The following SNTG1 variants were observed in gnomAD, a reference collection of about 807,000 sequenced individuals.
SNTG1 encodes the protein syntrophin gamma 1.
A neutral mutation model predicts 74.7 loss-of-function variants in SNTG1; 39 were observed. The observed-to-expected ratio is 0.52, with a 90% CI of 0.40 to 0.68. The LOEUF (loss-of-function observed/expected upper bound fraction) is 0.68, where lower values mean the gene tolerates loss of function less well. Ranked by LOEUF, SNTG1 falls within the 30% of genes least tolerant of loss-of-function variation. SNTG1 has a pLI of 0.00. For missense variants in SNTG1, 685 were observed against 609.5 expected, an observed-to-expected ratio of 1.12 and a Z score of -1.30; for synonymous variants, 254 against 217.1, an observed-to-expected ratio of 1.17 and a Z score of -1.49.
At chr8:50,453,570 G>A (rs1290410296) in intron 8 of SNTG1, among the ~76,000 whole-genome samples, 1 of 152,066 alleles carries the variant, frequency 6.6e-6, no homozygotes, top group Non-Finnish European at 1.5e-5. Context: ...TGTAATTTAA[G>A]GTGAACGGAA....
chr8:50,278,188 A>G, intron 2 of SNTG1, among the ~76,000 whole-genome samples: 1 of 152,132 alleles, frequency 6.6e-6, no homozygotes, highest in Non-Finnish European at 1.5e-5. Context: ...AAAAAGAAAA[A>G]AAAGGACTTA....
At chr8:50,164,882 C>T (rs1250998851) in intron 1 of SNTG1, among the ~76,000 whole-genome samples, 1 of 152,156 alleles carries the variant, frequency 6.6e-6, no homozygotes. Flanking sequence ...GTTCATTCTT[C>T]TGAATATTAC....
intron 8 of SNTG1, among the ~76,000 whole-genome samples, chr8:50,490,348 A>G (rs575293843): frequency 2.6e-5 from 4 of 152,268 alleles, no homozygotes; most frequent in Non-Finnish European, 4.4e-5. Flanking sequence ...TTGAATCTAT[A>G]AATTACTTTG....
Position 50,269,554 on chromosome 8 carries a change from G to GA in SNTG1, c.-28+96927dup, listed in dbSNP as rs557496884. The stretch of plus-strand genomic sequence containing the variant: ...AATTAATGCAAAATAAAAAGTTAAG[G>GA]AAAAAAAATTATGTGCCAGCAAAAT... On this transcript the variant is annotated intron_variant, in intron 2 of 18. Transcript: ENST00000642720. Among the ~76,000 whole-genome samples the GA allele has an allele frequency of 3.6e-3, 541 of 151,754 alleles. 5 individuals are homozygous for GA. Among genetic ancestry groups the GA allele is most frequent in the South Asian group, 0.021 (100 of 4,790 alleles).
chr8:50,335,119 T>A (rs1354321199), intron 2 of SNTG1, among the ~76,000 whole-genome samples: 2 of 152,246 alleles, frequency 1.3e-5, no homozygotes, highest in African/African-American at 4.8e-5. Context: ...CTTCCTTACT[T>A]GACCTTGTCT....
At chr8:50,270,409 C>A (rs1044618916) in intron 2 of SNTG1, among the ~76,000 whole-genome samples, 1 of 152,170 alleles carries the variant, frequency 6.6e-6, no homozygotes, top group Non-Finnish European at 1.5e-5. Flanking sequence ...AGTTCTCTAA[C>A]AAAATTTAAC....
chr8:50,780,842 A>G (rs1304579381), intron 18 of SNTG1, among the ~76,000 whole-genome samples: 3 of 151,994 alleles, frequency 2.0e-5, no homozygotes, highest in Non-Finnish European at 4.4e-5. Flanking sequence ...TGGGCATTTA[A>G]TGCTATAAAT....
intron 2 of SNTG1, among the ~76,000 whole-genome samples, chr8:50,176,684 T>A (rs1254543680): frequency 6.6e-6 from 1 of 152,222 alleles, no homozygotes; most frequent in Admixed American, 6.5e-5. Flanking sequence ...ATCTCAGGAT[T>A]AACTGGTGTA....
chr8:50,597,872 G>A (rs1353113660), intron 13 of SNTG1, among the ~76,000 whole-genome samples: 1 of 151,960 alleles, frequency 6.6e-6, no homozygotes. Flanking sequence ...TTTGAGAAAT[G>A]TCTATTCAGA....
rs557692168 is a variant in SNTG1, at chr8:50,678,878, T to C, written c.1038+20215T>C. On this transcript the variant is annotated intron_variant, in intron 15 of 18. Transcript: ENST00000642720. The stretch of plus-strand genomic sequence containing the variant: ...TTGAGAGAGAAATAATGCACTCCTG[T>C]GGTATGTTTTCTTTTCCAAGGATAT... Among the ~76,000 whole-genome samples, 32 of 152,198 alleles carry C rather than the reference T, an allele frequency of 2.1e-4. 1 individual carries two copies. Among genetic ancestry groups the C allele is most frequent in the African/African-American group, 7.0e-4 (29 of 41,572 alleles).
At chr8:50,191,923 G>T (rs766272760) in intron 2 of SNTG1, among the ~76,000 whole-genome samples, 7 of 152,074 alleles carry the variant, frequency 4.6e-5, no homozygotes, top group Non-Finnish European at 8.8e-5. Flanking sequence ...AAAAGCAAAT[G>T]TAATAAAAAC....
At chr8:50,039,690 T>C (rs1818469067) in intron 1 of SNTG1, among the ~76,000 whole-genome samples, 1 of 152,180 alleles carries the variant, frequency 6.6e-6, no homozygotes, top group African/African-American at 2.4e-5. Flanking sequence ...ATATCAAATC[T>C]TGCCATTATT....
chr8:50,206,180 T>C (rs1000965341), intron 2 of SNTG1, among the ~76,000 whole-genome samples: 3 of 152,232 alleles, frequency 2.0e-5, no homozygotes, highest in African/African-American at 4.8e-5. Context: ...TTTCATGATA[T>C]TGATTCTTCC....
intron 15 of SNTG1, among the ~76,000 whole-genome samples, chr8:50,691,773 T>C (rs966436298): frequency 6.6e-6 from 1 of 152,168 alleles, no homozygotes; most frequent in Non-Finnish European, 1.5e-5. Context: ...TTCTCTGTAT[T>C]TCCTGAATTT....
At chr8:50,031,318 G>T (rs911026681) in intron 1 of SNTG1, among the ~76,000 whole-genome samples, 1 of 151,812 alleles carries the variant, frequency 6.6e-6, no homozygotes, top group African/African-American at 2.4e-5. Context: ...TTCCAGATTT[G>T]TATGTCTTTT....
intron 12 of SNTG1, among the ~76,000 whole-genome samples, chr8:50,588,802 A>G (rs1257362978): frequency 6.6e-6 from 1 of 152,164 alleles, no homozygotes; most frequent in Non-Finnish European, 1.5e-5. Context: ...AAAGAATATT[A>G]CTTCTTCAAT....
chr8:50,377,301 T>C (rs1313254750), intron 2 of SNTG1, among the ~76,000 whole-genome samples: 1 of 152,156 alleles, frequency 6.6e-6, no homozygotes, highest in Non-Finnish European at 1.5e-5. Flanking sequence ...CATTTATATA[T>C]CCTTTGTTGG....
At chr8:50,577,194 A>G (rs1038216593) in intron 12 of SNTG1, among the ~76,000 whole-genome samples, 1 of 151,990 alleles carries the variant, frequency 6.6e-6, no homozygotes, top group African/African-American at 2.4e-5. Context: ...AGAGTGTAGA[A>G]TTTTGTCAAT....
intron 1 of SNTG1, among the ~76,000 whole-genome samples, chr8:50,073,438 T>C (rs757587688): frequency 3.9e-5 from 6 of 152,200 alleles, no homozygotes; most frequent in Admixed American, 3.3e-4. Flanking sequence ...ACTTCCTCCA[T>C]TGAAGTCTTT....
Sources: allele counts gnomAD v4.1 joint callset (sites outside exome capture counted in the v4.1 genomes callset), GRCh38; gene constraint gnomAD v4.1.1; transcripts MANE v1.5; gene names NCBI Gene and HGNC (gene_info 2026-07-23, HGNC 2026-07-21).